Variants in GRM5 observed in about 807,000 individuals in gnomAD.
GRM5 encodes metabotropic glutamate receptor 5.
GRM5 carries 19 observed loss-of-function variants against 83.1 expected under a neutral mutation model. That is an observed-to-expected ratio of 0.23 (90% CI 0.16 to 0.34). The LOEUF is 0.34. GRM5 is among the 10% of genes least tolerant of loss of function. The pLI is 1.00. For missense variants in GRM5, 1,160 were observed against 1,588.3 expected, an observed-to-expected ratio of 0.73 and a Z score of 4.58; for synonymous variants, 675 against 633.6, an observed-to-expected ratio of 1.07 and a Z score of -0.98.
intron 2 of GRM5, among the ~76,000 whole-genome samples, chr11:88,896,365 G>C (rs554658243): frequency 6.6e-6 from 1 of 151,690 alleles, no homozygotes; most frequent in East Asian, 1.9e-4. Context: ...TATGTAGAAA[G>C]GGATACGAAA....
At chr11:88,814,104 G>A in intron 3 of GRM5, among the ~76,000 whole-genome samples, 1 of 152,156 alleles carries the variant, frequency 6.6e-6, no homozygotes, top group Non-Finnish European at 1.5e-5. Context: ...ACCATCCTAT[G>A]TGAAACAATT....
chr11:88,736,635 C>T (rs1307578240), intron 3 of GRM5, among the ~76,000 whole-genome samples: 1 of 152,064 alleles, frequency 6.6e-6, no homozygotes, highest in Non-Finnish European at 1.5e-5. Context: ...GCTTTGCTGG[C>T]ATTTTTCATG....
chr11:88,798,820 A>AAAAAAAAAAAAAAAAAAC (rs1555017418), intron 3 of GRM5, among the ~76,000 whole-genome samples: 4 of 136,286 alleles, frequency 2.9e-5, no homozygotes, highest in African/African-American at 8.3e-5. Flanking sequence ...AAAAAAAAAA[A>AAAAAAAAAAAAAAAAAAC]AAAAAAACAA....
At chr11:88,822,102 T>A (rs1225636370) in intron 3 of GRM5, among the ~76,000 whole-genome samples, 3 of 152,178 alleles carry the variant, frequency 2.0e-5, no homozygotes, top group African/African-American at 2.4e-5. Context: ...ATATACCACA[T>A]ATTTTGTGAG....
In GRM5 at chr11:88,967,252, T is replaced by TATATATATATATATATATACAC. The variant is rs1555050447; in HGVS notation, c.661+79959_661+79960insGTGTATATATATATATATATAT. Among the ~76,000 whole-genome samples, 15 of 16,142 alleles carry TATATATATATATATATATACAC rather than the reference T, an allele frequency of 9.3e-4. No homozygotes were observed. The African/African-American group carries it at 0.011, about 12-fold the overall frequency. 10.6% of individuals were successfully genotyped at this position (16,142 alleles called of 152,430 possible). A position where few individuals can be genotyped will look rare whatever the true frequency, so the allele number is the denominator to read the frequency against. On this transcript the variant is annotated intron_variant, in intron 2 of 9. Coordinates refer to ENST00000305447, the MANE Select transcript of GRM5 (RefSeq NM_001143831.3). ...GTATGTATATATATATATACACATATATATATATATATATATATATATATA... is the reference window on the plus strand; with the variant it reads ...GTATGTATATATATATATACACATATATATATATATATATATATACACATATATATATATATATATATATATA...
chr11:88,876,635 C>A (rs1183252438), intron 2 of GRM5, among the ~76,000 whole-genome samples: 2 of 152,042 alleles, frequency 1.3e-5, no homozygotes, highest in African/African-American at 4.8e-5. Flanking sequence ...GCATGTGACT[C>A]TTTCTTCCAG....
chr11:88,833,307 G>A (rs1279370356), intron 3 of GRM5, among the ~76,000 whole-genome samples: 1 of 151,300 alleles, frequency 6.6e-6, no homozygotes, highest in Non-Finnish European at 1.5e-5. Context: ...ACAAATAATT[G>A]CATGAAAAAT....
intron 2 of GRM5, among the ~76,000 whole-genome samples, chr11:88,986,868 C>A (rs1008406876): frequency 2.0e-5 from 3 of 151,352 alleles, no homozygotes; most frequent in Non-Finnish European, 4.4e-5. Flanking sequence ...GTCTTTAATC[C>A]ACTTCTAGTT....
rs1354092251 is a variant in GRM5, at chr11:89,007,684, T to C, written c.661+39528A>G. 4.6e-5 allele frequency among the ~76,000 whole-genome samples: 7 copies of C among 152,176 alleles called. 1 individual carries two copies. The highest frequency in any genetic ancestry group is 3.9e-4 in the Admixed American group (6 of 15,280). On this transcript the variant is annotated intron_variant, in intron 2 of 9. Transcript: ENST00000305447. ...TTAAAGGGGCTTAAGCAGAAGGGCA[T>C]GATGAATAGCTCAATGTTTAAGAAC... is the stretch of plus-strand genomic sequence containing the variant.
In GRM5 at chr11:89,039,049, A is replaced by C. The variant is rs537156664; in HGVS notation, c.661+8163T>G. 5.9e-5 allele frequency among the ~76,000 whole-genome samples: 9 copies of C among 152,194 alleles called. No individual in the cohort carries two copies. The South Asian group carries it at 1.7e-3, about 28-fold the overall frequency. On this transcript the variant is annotated intron_variant, in intron 2 of 9. Transcript: ENST00000305447. ...GGAAGTCCAAGGCAGGCAGATCATG[A>C]GGTCAGGAGATCAAGAACACCCTGA...
Position 88,505,865 on chromosome 11 carries a change from A to T in GRM5, c.*2727T>A, listed in dbSNP as rs1252427356. 2.0e-5 allele frequency: 3 copies of T among 152,188 alleles called. No homozygotes were observed. The highest frequency in any genetic ancestry group is 2.9e-5 in the Non-Finnish European group (2 of 68,026). The allele number at this position is 152,188 out of a possible 1,614,324, so 9.4% of individuals were successfully genotyped here. A position where few individuals can be genotyped will look rare whatever the true frequency, so the allele number is the denominator to read the frequency against. On this transcript the variant is annotated 3_prime_UTR_variant, in exon 10 of 10. Transcript: ENST00000305447. ...AATTCAATGAGAATGTACCCAAATG[A>T]ATTGTGAAGTTCATATCCTATAGCC...
intron 2 of GRM5, among the ~76,000 whole-genome samples, chr11:88,998,644 T>G (rs532589929): frequency 6.6e-6 from 1 of 152,270 alleles, no homozygotes; most frequent in African/African-American, 2.4e-5. Context: ...AATAAAACTG[T>G]TTCCATTAGG....
At chr11:88,593,376 G>A (rs1937696082) in intron 6 of GRM5, among the ~76,000 whole-genome samples, 1 of 152,080 alleles carries the variant, frequency 6.6e-6, no homozygotes. Flanking sequence ...AAAATGACCA[G>A]TATTAAAAAT....
intron 2 of GRM5, among the ~76,000 whole-genome samples, chr11:88,869,002 C>G (rs925624777): frequency 3.3e-5 from 5 of 151,740 alleles, no homozygotes; most frequent in Non-Finnish European, 7.4e-5. Context: ...CTAATGTCTG[C>G]TGTTTTCCTT....
rs567315819 is a variant in GRM5 at position 88,567,239 on chromosome 11, C to G, written c.2444G>C (p.Gly815Ala). The G allele has an allele frequency of 6.2e-7, 1 of 1,614,148 alleles. No homozygotes were observed. Among genetic ancestry groups the G allele is most frequent in the African/African-American group, 1.3e-5 (1 of 75,042 alleles). The change falls in exon 8 of 10, where the codon GGC becomes GCC. Residue 815 changes from glycine (G) to alanine (A), a missense_variant. Around this residue, in one of 9 missense-constraint regions of GRM5, gnomAD observed 66 missense variants for 138.6 expected, o/e 0.48. Transcript: ENST00000305447. This position sits in a 1 kb window ranked among gnomAD's most constrained non-coding sequence, Gnocchi z 7.3. ...SVSLSATVALGCMFVPKVYII... is the reference protein window; with the variant it reads ...SVSLSATVALACMFVPKVYII... ...GTACACCTTCGGCACAAACATGCAG[C>G]CTAGGGCCACTGTGGCACTGAGGCT...
chr11:88,721,626 T>C (rs1310433417), intron 3 of GRM5, among the ~76,000 whole-genome samples: 4 of 152,116 alleles, frequency 2.6e-5, no homozygotes, highest in Non-Finnish European at 5.9e-5. Flanking sequence ...CTGTTACAAA[T>C]GCACATCCAT....
chr11:88,657,400 C>T (rs1232794785), intron 3 of GRM5, among the ~76,000 whole-genome samples: 1 of 152,114 alleles, frequency 6.6e-6, no homozygotes, highest in Non-Finnish European at 1.5e-5. Context: ...ATAGAAAAAT[C>T]ATTCTTAACT....
intron 4 of GRM5, among the ~76,000 whole-genome samples, chr11:88,607,476 T>G (rs572386692): frequency 1.3e-5 from 2 of 152,296 alleles, no homozygotes; most frequent in East Asian, 3.9e-4. Context: ...TTTCTCCTTT[T>G]GCCCATCTTC....
At chr11:88,662,259 A>T (rs543497065) in intron 3 of GRM5, among the ~76,000 whole-genome samples, 1 of 152,328 alleles carries the variant, frequency 6.6e-6, no homozygotes, top group African/African-American at 2.4e-5. Context: ...AAACCCCATG[A>T]CAAATGTAGA....
Sources: allele counts gnomAD v4.1 joint callset (sites outside exome capture counted in the v4.1 genomes callset), GRCh38; gene constraint gnomAD v4.1.1; regional missense constraint gnomAD v4.1.1; non-coding constraint Gnocchi (gnomAD v3.1); transcripts MANE v1.5; gene names NCBI Gene and HGNC (gene_info 2026-07-23, HGNC 2026-07-21).